STK11: variants seen among roughly 807,000 people sequenced by gnomAD.
STK11 encodes the protein serine/threonine kinase 11, also known as serine/threonine-protein kinase STK11.
In STK11, 8 loss-of-function variants were observed where a neutral mutation model predicts 47.3. That is an observed-to-expected ratio of 0.17 (90% confidence interval 0.10 to 0.31). The LOEUF is 0.31. Among genes scored for constraint, STK11 ranks in the 10% least tolerant of loss-of-function variants. STK11 has a pLI of 1.00. For synonymous variants in STK11, 330 were observed against 255.8 expected (o/e 1.29, Z -2.77); for missense variants, 475 against 605.0 (o/e 0.79, Z 2.25).
chr19:1,206,713 T>C lies in STK11; in HGVS notation c.-201T>C. The C allele has an allele frequency of 1.4e-6, 1 of 737,344 alleles. No individual in the cohort carries two copies. The highest frequency in any genetic ancestry group is 2.1e-6 in the Non-Finnish European group (1 of 473,836). The allele number at this position is 737,344 out of a possible 1,614,324, so 45.7% of individuals were successfully genotyped here. A position where few individuals can be genotyped will look rare whatever the true frequency, so the allele number is the denominator to read the frequency against. On this transcript the variant is annotated 5_prime_UTR_variant, in exon 1 of 10. Coordinates refer to ENST00000326873, the MANE Select transcript of STK11 (RefSeq NM_000455.5). The stretch of plus-strand genomic sequence containing the variant: ...CGGTCCGCAGACCCTGCACCGGGCT[T>C]GGACTCGCAGCCGGGACTGACGTGT...
chr19:1,225,791 A>G (rs1599931444), intron 8 of STK11: 2 of 985,386 alleles, frequency 2.0e-6, no homozygotes, highest in South Asian at 4.7e-5. Context: ...CTCGCCAACC[A>G]CCACGGCTCC....
intron 8 of STK11, chr19:1,224,529 C>T: frequency 1.0e-6 from 1 of 985,450 alleles, no homozygotes; most frequent in Non-Finnish European, 1.2e-6. Flanking sequence ...CCAGTTAGGG[C>T]AGGGCCAGCC....
chr19:1,221,576 C>T lies in STK11; in HGVS notation c.862+236C>T, dbSNP rs986875582. 4 of 652,474 alleles carry T rather than the reference C, an allele frequency of 6.1e-6. No individual in the cohort carries two copies. In the African/African-American group the frequency reaches 7.3e-5, roughly 12 times the overall value. 40.4% of individuals were successfully genotyped at this position (652,474 alleles called of 1,614,324 possible). A position where few individuals can be genotyped will look rare whatever the true frequency, so the allele number is the denominator to read the frequency against. ...TCCCACCCCAGAGGGCAGTGCTGCC[C>T]TGCGCCTCCCCCAGCCCCACCCTCG... On this transcript the variant is annotated intron_variant, in intron 6 of 9. Coordinates refer to ENST00000326873, the MANE Select transcript of STK11 (RefSeq NM_000455.5).
intron 9 of STK11, 159 bp from the exon 10 acceptor site, chr19:1,227,434 G>C: frequency 1.4e-6 from 1 of 692,946 alleles, no homozygotes; most frequent in Non-Finnish European, 1.8e-6. Flanking sequence ...TGTACCCCGG[G>C]AGTGACTCAA....
chr19:1,211,164 C>G (rs2080707599), intron 1 of STK11, among the ~76,000 whole-genome samples: 1 of 152,164 alleles, frequency 6.6e-6, no homozygotes, highest in African/African-American at 2.4e-5. Flanking sequence ...AGTCCAGCTA[C>G]TGGGGAAGCT....
chr19:1,226,070 C>T (rs1442552550), intron 8 of STK11: 4 of 1,058,096 alleles, frequency 3.8e-6, no homozygotes, highest in Admixed American at 5.3e-5. Flanking sequence ...CATGTGGCGG[C>T]TCCTGGGCCT....
intron 1 of STK11, among the ~76,000 whole-genome samples, chr19:1,214,936 C>T (rs1343336072): frequency 6.6e-6 from 1 of 152,228 alleles, no homozygotes; most frequent in Non-Finnish European, 1.5e-5. Context: ...AGCATCTGGC[C>T]TCTGCTGTCT....
chr19:1,224,750 C>T, intron 8 of STK11: 1 of 985,802 alleles, frequency 1.0e-6, no homozygotes, highest in Non-Finnish European at 1.2e-6. Flanking sequence ...GCTAAGCCCA[C>T]TGTGGGTGGT....
At chr19:1,227,111 G>A (rs969574337) in intron 9 of STK11, 2 of 177,040 alleles carry the variant, frequency 1.1e-5, no homozygotes, top group African/African-American at 2.4e-5. Flanking sequence ...CTCTGAGCCA[G>A]CTGCCAAGTA....
At chr19:1,222,903 C>T (rs2080795004) in intron 7 of STK11, 82 bp from the exon 8 acceptor site, 2 of 1,446,468 alleles carry the variant, frequency 1.4e-6, no homozygotes, top group African/African-American at 2.8e-5. Context: ...GGCAGGTACC[C>T]TGGGCCCAGA....
intron 1 of STK11, among the ~76,000 whole-genome samples, chr19:1,215,412 C>T (rs2080738716): frequency 1.3e-5 from 2 of 152,232 alleles, no homozygotes; most frequent in South Asian, 4.1e-4. Context: ...GCACCGGGCA[C>T]AGCCAGGGGC....
intron 1 of STK11, among the ~76,000 whole-genome samples, chr19:1,215,755 G>T (rs75235205): frequency 1.3e-5 from 2 of 151,326 alleles, no homozygotes; most frequent in Non-Finnish European, 3.0e-5. Context: ...TTTTTTTTTT[G>T]AGATGGAGTC....
chr19:1,206,586 C>A lies in STK11; in HGVS notation c.-328C>A, dbSNP rs944173682. The A allele has an allele frequency of 1.9e-5, 8 of 429,402 alleles. No homozygotes were observed. Among genetic ancestry groups the A allele is most frequent in the African/African-American group, 1.4e-4 (7 of 50,248 alleles). The allele number at this position is 429,402 out of a possible 1,614,324, so 26.6% of individuals were successfully genotyped here. ...GCCCCGGCCGGCCTCCCCAGGGTCCCCGAGGACGAAGTTGACCCTGACCGG... is the reference window on the plus strand; with the variant it reads ...GCCCCGGCCGGCCTCCCCAGGGTCCACGAGGACGAAGTTGACCCTGACCGG... On this transcript the variant is annotated 5_prime_UTR_variant, in exon 1 of 10. Transcript: ENST00000326873.
intron 6 of STK11, 120 bp from the exon 7 acceptor site, chr19:1,221,829 C>T: frequency 8.4e-7 from 1 of 1,183,532 alleles, no homozygotes; most frequent in East Asian, 2.6e-5. Context: ...GCGCGGGGTC[C>T]CCCTTAGGAG....
intron 1 of STK11, among the ~76,000 whole-genome samples, chr19:1,213,972 G>C (rs1457097953): frequency 6.6e-6 from 1 of 152,242 alleles, no homozygotes; most frequent in Non-Finnish European, 1.5e-5. Context: ...CTTGAGTGGC[G>C]TTTATGACTC....
At chr19:1,222,901 C>A in intron 7 of STK11, 84 bp from the exon 8 acceptor site, 1 of 1,433,542 alleles carries the variant, frequency 7.0e-7, no homozygotes, top group Non-Finnish European at 9.3e-7. Flanking sequence ...GTGGCAGGTA[C>A]CCTGGGCCCA....
Position 1,206,647 on chromosome 19 carries a change from A to T in STK11, c.-267A>T. The T allele has an allele frequency of 1.9e-6, 1 of 518,688 alleles. No individual in the cohort carries two copies. Among genetic ancestry groups the T allele is most frequent in the East Asian group, 3.2e-5 (1 of 30,820 alleles). 32.1% of individuals were successfully genotyped at this position (518,688 alleles called of 1,614,324 possible). A position where few individuals can be genotyped will look rare whatever the true frequency, so the allele number is the denominator to read the frequency against. On this transcript the variant is annotated 5_prime_UTR_variant, in exon 1 of 10. Coordinates refer to ENST00000326873, the MANE Select transcript of STK11 (RefSeq NM_000455.5). ...AGTTCTGAGGCCCGGGTCCCACTGG[A>T]ACTCGCGTCTGAGCCGCCGTCCCGG...
chr19:1,224,630 C>T (rs921441616), intron 8 of STK11: 9 of 985,528 alleles, frequency 9.1e-6, no homozygotes, highest in African/African-American at 7.0e-5. Context: ...AGCCAGGACC[C>T]GGCACTGGCT....
chr19:1,223,287 C>G (rs2080799140), intron 8 of STK11, 115 bp downstream of exon 8: 5 of 1,278,246 alleles, frequency 3.9e-6, no homozygotes, highest in Non-Finnish European at 5.4e-6. Context: ...GTGGCCAATC[C>G]CACGTCCCCA....
Sources: gnomAD v4.1 joint callset for allele counts (sites outside exome capture counted in the v4.1 genomes callset) on GRCh38, gnomAD v4.1.1 for gene constraint, MANE v1.5 for transcripts, NCBI Gene and HGNC (gene_info 2026-07-23, HGNC 2026-07-21) for gene names.